Variants in ATP9A observed in about 807,000 individuals in gnomAD.
ATP9A encodes probable phospholipid-transporting ATPase IIA.
A neutral mutation model predicts 144.1 loss-of-function variants in ATP9A; 52 were observed. The observed-to-expected ratio is 0.36, with a 90% confidence interval of 0.29 to 0.45. The LOEUF is 0.45. ATP9A is among the 20% of genes least tolerant of loss of function. ATP9A has a pLI of 1.00. For synonymous variants in ATP9A, 582 were observed against 557.4 expected (o/e 1.04, Z -0.62); for missense variants, 947 against 1,392.7 (o/e 0.68, Z 5.09).
chr20:51,690,940 T>C, intron 7 of ATP9A, 121 bp from the exon 8 acceptor site: 1 of 786,884 alleles, frequency 1.3e-6, no homozygotes, highest in Non-Finnish European at 2.1e-6. Flanking sequence ...CCCCTCAAAA[T>C]TACAGGGGAG....
rs191788538 is a variant in ATP9A at position 51,675,752 on chromosome 20, C to T, written c.876+380G>A. 2.6e-5 allele frequency among the ~76,000 whole-genome samples: 4 copies of T among 152,032 alleles called. No homozygotes were observed. In the East Asian group the frequency reaches 5.8e-4, roughly 22 times the overall value. On this transcript the variant is annotated intron_variant, in intron 10 of 27. Transcript: ENST00000338821. ...AAAATTAGCCAGGCATGGTGGTACA[C>T]GCCTATAGTCCCAGCTACTCAGGAG...
chr20:51,703,207 A>T (rs1202865697), intron 4 of ATP9A, among the ~76,000 whole-genome samples: 1 of 152,184 alleles, frequency 6.6e-6, no homozygotes, highest in Non-Finnish European at 1.5e-5. Context: ...ACTGGGTCCC[A>T]CAAATTATGT....
intron 1 of ATP9A, among the ~76,000 whole-genome samples, chr20:51,763,333 G>A (rs1399511056): frequency 7.3e-6 from 1 of 137,488 alleles, no homozygotes; most frequent in African/African-American, 2.7e-5. Flanking sequence ...TTTTTTTTGA[G>A]ATGGAGTCTC....
chr20:51,655,976 A>G lies in ATP9A; in HGVS notation c.1506+962T>C, dbSNP rs374178292. Reference sequence around the variant, plus strand: ...AGGAATGAAGCATTGATGAGTGAATATGCATGGATGAATCTTGAAAACATC... The same window carrying G: ...AGGAATGAAGCATTGATGAGTGAATGTGCATGGATGAATCTTGAAAACATC... On this transcript the variant is annotated intron_variant, in intron 14 of 27. Transcript: ENST00000338821. Among the ~76,000 whole-genome samples, 394 of 152,332 alleles carry G rather than the reference A, an allele frequency of 2.6e-3. 2 individuals carry two copies. The highest frequency in any genetic ancestry group is 9.3e-3 in the African/African-American group (387 of 41,578).
At chr20:51,755,198 G>A (rs1006728501) in intron 1 of ATP9A, among the ~76,000 whole-genome samples, 2 of 152,122 alleles carry the variant, frequency 1.3e-5, no homozygotes, top group Non-Finnish European at 2.9e-5. Context: ...AGCACTTTGG[G>A]AGACCAAGGC....
intron 22 of ATP9A, among the ~76,000 whole-genome samples, chr20:51,616,510 G>A (rs1237579725): frequency 1.3e-5 from 2 of 152,104 alleles, no homozygotes; most frequent in African/African-American, 2.4e-5. Flanking sequence ...GTAGAGACGG[G>A]GTTTCACCAT....
At position 51,657,130 on chromosome 20, in the gene ATP9A, A is replaced by G. The variant is rs896286514; in HGVS notation, c.1314T>C (p.Ala438=). The change falls in exon 14 of 28, where the codon GCT becomes GCC. Residue 438 remains alanine (A), a synonymous_variant. Transcript: ENST00000338821. ...IYTQQSQDPP[A]QKGPTLTTKV... is the part of the protein sequence containing the mutation. ...TAGTGGTGAGCGTTGGGCCCTTCTG[A>G]GCCGGTGGGTCCTGGGATTGCTACA... 1.9e-6 allele frequency: 3 copies of G among 1,613,908 alleles called. No homozygotes were observed. The highest frequency in any genetic ancestry group is 2.7e-5 in the African/African-American group (2 of 74,896).
At chr20:51,678,181 T>G (rs534599692) in intron 9 of ATP9A, among the ~76,000 whole-genome samples, 171 of 152,058 alleles carry the variant, frequency 1.1e-3, no homozygotes, top group African/African-American at 4.0e-3. Flanking sequence ...CTGTCTCCAT[T>G]CACATCATCT....
At chr20:51,750,580 C>A (rs1160616555) in intron 1 of ATP9A, among the ~76,000 whole-genome samples, 1 of 152,136 alleles carries the variant, frequency 6.6e-6, no homozygotes, top group Non-Finnish European at 1.5e-5. Flanking sequence ...GTGTGCCAAG[C>A]GCTGTGGCAA....
At chr20:51,616,209 G>GA (rs761088521) in intron 22 of ATP9A, among the ~76,000 whole-genome samples, 38 of 152,034 alleles carry the variant, frequency 2.5e-4, no homozygotes, top group Non-Finnish European at 4.7e-4. Context: ...TAAAGAGGGG[G>GA]AAAAAAAGCC....
intron 14 of ATP9A, among the ~76,000 whole-genome samples, chr20:51,642,555 G>A (rs1002934299): frequency 1.3e-5 from 2 of 151,568 alleles, no homozygotes; most frequent in Non-Finnish European, 2.9e-5. Flanking sequence ...GATCAAGGTC[G>A]CTTGATCACC....
intron 9 of ATP9A, among the ~76,000 whole-genome samples, chr20:51,678,416 T>C (rs1190500207): frequency 6.6e-6 from 1 of 152,150 alleles, no homozygotes. Context: ...AGGGACCACG[T>C]CCTGGACAAA....
At chr20:51,618,864 A>G in intron 20 of ATP9A, 58 bp from the exon 21 acceptor site, 2 of 1,582,436 alleles carry the variant, frequency 1.3e-6, no homozygotes, top group Non-Finnish European at 1.7e-6. Context: ...GCGTTGGTGG[A>G]GGTCGCTGCC....
In ATP9A at chr20:51,758,888, G is replaced by T. The variant is rs1451944834; in HGVS notation, c.68+9414C>A. On this transcript the variant is annotated intron_variant, in intron 1 of 27. Coordinates refer to ENST00000338821, the MANE Select transcript of ATP9A (RefSeq NM_006045.3). ...TCCAGTGAGCCGAGATCATACCACTGCACTCCAGCCTGGGCAACAGAAGGA... is the reference window on the plus strand; with the variant it reads ...TCCAGTGAGCCGAGATCATACCACTTCACTCCAGCCTGGGCAACAGAAGGA... Among the ~76,000 whole-genome samples, 5 of 152,064 alleles carry T rather than the reference G, an allele frequency of 3.3e-5. No individual in the cohort carries two copies. In the East Asian group the frequency reaches 9.6e-4, roughly 29 times the overall value.
chr20:51,736,076 T>C (rs2077761467), intron 1 of ATP9A, among the ~76,000 whole-genome samples: 1 of 152,058 alleles, frequency 6.6e-6, no homozygotes, highest in Non-Finnish European at 1.5e-5. Context: ...TTTAGCTGAG[T>C]GCCAAGAAGA....
chr20:51,619,953 C>G (rs1417649731), intron 19 of ATP9A, among the ~76,000 whole-genome samples: 1 of 149,456 alleles, frequency 6.7e-6, no homozygotes, highest in African/African-American at 2.5e-5. Flanking sequence ...TCATTTATTT[C>G]TCACAACGGC....
intron 1 of ATP9A, among the ~76,000 whole-genome samples, chr20:51,744,002 A>C (rs1285620669): frequency 6.6e-6 from 1 of 150,932 alleles, no homozygotes; most frequent in Non-Finnish European, 1.5e-5. Flanking sequence ...GTAAGACTCC[A>C]TCTCAAAAAA....
At chr20:51,657,525 TG>T (rs1432352364) in intron 13 of ATP9A, among the ~76,000 whole-genome samples, 1 of 152,086 alleles carries the variant, frequency 6.6e-6, no homozygotes, top group African/African-American at 2.4e-5. Flanking sequence ...GGTACTCCTA[TG>T]TTGGGGGACA....
intron 15 of ATP9A, among the ~76,000 whole-genome samples, chr20:51,638,312 C>A (rs2077304057): frequency 1.4e-5 from 2 of 146,512 alleles, no homozygotes; most frequent in Non-Finnish European, 3.0e-5. Context: ...AAAAAAAAGT[C>A]CAGAAAAGAT....
Sources: allele counts gnomAD v4.1 joint callset (sites outside exome capture counted in the v4.1 genomes callset), GRCh38; gene constraint gnomAD v4.1.1; transcripts MANE v1.5; gene names NCBI Gene and HGNC (gene_info 2026-07-23, HGNC 2026-07-21).